Variants in TLN2 observed in about 807,000 individuals in gnomAD.
TLN2 encodes talin 2.
In TLN2, 118 loss-of-function variants were observed where a neutral mutation model predicts 294.7. The observed-to-expected ratio is 0.40, with a 90% CI of 0.34 to 0.47. The LOEUF is 0.47. Ranked by LOEUF, TLN2 falls within the 20% of genes least tolerant of loss-of-function variation. TLN2 has a pLI of 0.84. For missense variants in TLN2, 3,083 were observed against 3,282.2 expected (o/e 0.94, Z 1.48); for synonymous variants, 1,431 against 1,304.5 (o/e 1.10, Z -2.09).
chr15:62,737,856 T>C lies in TLN2; in HGVS notation c.3568-358T>C, dbSNP rs139260557. 2.9e-3 allele frequency among the ~76,000 whole-genome samples: 437 copies of C among 152,282 alleles called. 3 individuals are homozygous for C. The highest frequency in any genetic ancestry group is 1.0e-2 in the African/African-American group (415 of 41,552). On this transcript the variant is annotated intron_variant, in intron 29 of 58. Coordinates refer to ENST00000636159, the MANE Select transcript of TLN2 (RefSeq NM_015059.3). Reference sequence around the variant, plus strand: ...TCAGCAGGGCTCCCAAGAAGGGAGATATTTTCATTTCTCTTGGTATAAGAA... The same window carrying C: ...TCAGCAGGGCTCCCAAGAAGGGAGACATTTTCATTTCTCTTGGTATAAGAA...
At chr15:62,790,603 T>C (rs1234922307) in intron 45 of TLN2, among the ~76,000 whole-genome samples, 1 of 152,194 alleles carries the variant, frequency 6.6e-6, no homozygotes, top group African/African-American at 2.4e-5. Context: ...CAGCAGCACT[T>C]TATCCTTTAA....
At chr15:62,826,049 G>A (rs957497287) in intron 54 of TLN2, among the ~76,000 whole-genome samples, 6 of 149,440 alleles carry the variant, frequency 4.0e-5, no homozygotes, top group Non-Finnish European at 8.9e-5. Flanking sequence ...AATAAGAAAA[G>A]CAAGTATGGG....
chr15:62,432,525 CAT>C (rs539414962), intron 1 of TLN2, among the ~76,000 whole-genome samples: 85 of 152,298 alleles, frequency 5.6e-4, no homozygotes, highest in African/African-American at 2.0e-3. Flanking sequence ...TTGTTTCTAA[CAT>C]ATGAATTTTG....
chr15:62,649,583 A>C (rs2052348284), intron 4 of TLN2, among the ~76,000 whole-genome samples: 1 of 152,116 alleles, frequency 6.6e-6, no homozygotes, highest in African/African-American at 2.4e-5. Context: ...GCCTCATCTC[A>C]CAAGGAACTC....
At chr15:62,560,601 C>T (rs2042877352) in intron 1 of TLN2, among the ~76,000 whole-genome samples, 1 of 152,254 alleles carries the variant, frequency 6.6e-6, no homozygotes, top group Non-Finnish European at 1.5e-5. Context: ...GCTGGGATTA[C>T]AGGCGTGAGC....
At chr15:62,581,201 T>C (rs1463309233) in intron 1 of TLN2, among the ~76,000 whole-genome samples, 2 of 152,112 alleles carry the variant, frequency 1.3e-5, no homozygotes, top group East Asian at 3.9e-4. Flanking sequence ...CTTTTTACTG[T>C]CTCCCTAGTG....
intron 41 of TLN2, among the ~76,000 whole-genome samples, 172 bp from the exon 42 acceptor site, chr15:62,770,792 A>G (rs1404746501): frequency 6.6e-6 from 1 of 152,234 alleles, no homozygotes; most frequent in Non-Finnish European, 1.5e-5. Flanking sequence ...AGTAAAAACC[A>G]AGAAAGAGTC....
At chr15:62,673,689 T>C (rs553077016) in intron 9 of TLN2, 138 bp from the exon 10 acceptor site, 7 of 601,480 alleles carry the variant, frequency 1.2e-5, no homozygotes, top group South Asian at 1.1e-4. Flanking sequence ...TCGTAGGATA[T>C]AGCAGTCTGT....
intron 28 of TLN2, 104 bp from the exon 29 acceptor site, chr15:62,736,774 C>A: frequency 8.1e-7 from 1 of 1,229,168 alleles, no homozygotes; most frequent in Non-Finnish European, 1.1e-6. Flanking sequence ...GACTAATCTG[C>A]AGCTCCCCTT....
intron 41 of TLN2, among the ~76,000 whole-genome samples, 169 bp from the exon 42 acceptor site, chr15:62,770,795 A>G (rs1253798750): frequency 1.3e-5 from 2 of 152,202 alleles, no homozygotes; most frequent in African/African-American, 4.8e-5. Context: ...AAAAACCAAG[A>G]AAGAGTCCAT....
chr15:62,772,460 G>A (rs1045395170), intron 42 of TLN2, among the ~76,000 whole-genome samples: 16 of 152,156 alleles, frequency 1.1e-4, no homozygotes, highest in Admixed American at 3.3e-4. Context: ...ATGGAGAAAC[G>A]ATAGGGTGCC....
At chr15:62,457,973 A>C (rs968402567) in intron 1 of TLN2, among the ~76,000 whole-genome samples, 1 of 152,214 alleles carries the variant, frequency 6.6e-6, no homozygotes, top group Non-Finnish European at 1.5e-5. Flanking sequence ...TTTGGAAGCA[A>C]CTGTGCCAGA....
intron 1 of TLN2, among the ~76,000 whole-genome samples, chr15:62,468,950 G>T (rs925956485): frequency 2.0e-5 from 3 of 152,140 alleles, no homozygotes; most frequent in African/African-American, 7.2e-5. Context: ...TACAGCAATT[G>T]CCCAGAAAAC....
At chr15:62,771,181 A>G (rs2063329865) in intron 42 of TLN2, 47 bp downstream of exon 42, 1 of 1,530,602 alleles carries the variant, frequency 6.5e-7, no homozygotes, top group Non-Finnish European at 8.8e-7. Context: ...CTAAGAAGCC[A>G]TCATGCATTC....
chr15:62,624,137 G>T (rs1484060275), intron 3 of TLN2, among the ~76,000 whole-genome samples: 2 of 152,192 alleles, frequency 1.3e-5, no homozygotes, highest in Non-Finnish European at 2.9e-5. Context: ...TAATATATTA[G>T]TGTTGTTTTT....
chr15:62,805,472 C>T (rs2066214337), intron 50 of TLN2, 128 bp from the exon 51 acceptor site: 13 of 989,956 alleles, frequency 1.3e-5, no homozygotes, highest in Non-Finnish European at 1.9e-5. Context: ...TCTAATTTCG[C>T]CATGTGACAG....
intron 45 of TLN2, among the ~76,000 whole-genome samples, chr15:62,786,694 T>A (rs2064689886): frequency 2.0e-5 from 3 of 151,660 alleles, no homozygotes; most frequent in Non-Finnish European, 1.5e-5. Context: ...ACCACAGCCC[T>A]TTCCCCCAGA....
chr15:62,460,514 C>T (rs902303448), intron 1 of TLN2, among the ~76,000 whole-genome samples: 35 of 152,032 alleles, frequency 2.3e-4, no homozygotes, highest in Non-Finnish European at 4.0e-4. Flanking sequence ...CCACCCGCCT[C>T]GGCCTCCCAA....
chr15:62,430,419 T>C (rs1414912276), intron 1 of TLN2, among the ~76,000 whole-genome samples: 2 of 152,238 alleles, frequency 1.3e-5, no homozygotes, highest in African/African-American at 4.8e-5. Flanking sequence ...AGAGGAATCT[T>C]GGCCTCAATT....
Sources: gnomAD v4.1 joint callset for allele counts (sites outside exome capture counted in the v4.1 genomes callset) on GRCh38, gnomAD v4.1.1 for gene constraint, MANE v1.5 for transcripts, NCBI Gene and HGNC (gene_info 2026-07-23, HGNC 2026-07-21) for gene names.